The following PJA2 variants were observed in gnomAD, a reference collection of about 807,000 sequenced individuals.
PJA2 encodes praja ring finger ubiquitin ligase 2, also known as E3 ubiquitin-protein ligase Praja-2.
Under a neutral mutation model 69.3 loss-of-function variants are expected in PJA2, and 25 were observed. The observed-to-expected ratio is 0.36, with a 90% CI of 0.26 to 0.50. PJA2 has a LOEUF of 0.50. Ranked by LOEUF, PJA2 falls within the 20% of genes least tolerant of loss-of-function variation. PJA2 has a pLI of 0.96. For synonymous variants in PJA2, 308 were observed against 277.8 expected (o/e 1.11, Z -1.08); for missense variants, 809 against 830.2 (o/e 0.97, Z 0.31).
At chr5:109,341,490 C>A (rs1397822082) in intron 9 of PJA2, among the ~76,000 whole-genome samples, 1 of 141,752 alleles carries the variant, frequency 7.1e-6, no homozygotes. Flanking sequence ...CCGGCAGCCA[C>A]CCCATCTGGG....
intron 5 of PJA2, 113 bp from the exon 6 acceptor site, chr5:109,363,135 CT>C: frequency 1.2e-6 from 1 of 864,026 alleles, no homozygotes; most frequent in Non-Finnish European, 1.6e-6. Context: ...GCTCTTGGTA[CT>C]TTTATAATTC....
At chr5:109,399,025 A>G (rs559288657) in intron 1 of PJA2, among the ~76,000 whole-genome samples, 5 of 152,226 alleles carry the variant, frequency 3.3e-5, no homozygotes, top group African/African-American at 1.2e-4. Flanking sequence ...CAGCCTGGCC[A>G]ACATGGTGAA....
intron 1 of PJA2, among the ~76,000 whole-genome samples, chr5:109,389,788 C>T (rs76917403): frequency 0.03 from 4,619 of 151,888 alleles, 92 homozygotes; most frequent in Middle Eastern, 0.048. Flanking sequence ...AGTTCTGATA[C>T]GTATTATTTT....
In PJA2 at chr5:109,404,787, A is replaced by G. The variant is rs1156804432; in HGVS notation, c.-88+5055T>C. Among the ~76,000 whole-genome samples, 8 of 152,164 alleles carry G rather than the reference A, an allele frequency of 5.3e-5. No individual in the cohort carries two copies. The East Asian group carries it at 9.6e-4, about 18-fold the overall frequency. ...CCCTCACAATGGGGATTATGTTTCAATGCTATGAATTTTGGAAGGGACATA... is the reference window on the plus strand; with the variant it reads ...CCCTCACAATGGGGATTATGTTTCAGTGCTATGAATTTTGGAAGGGACATA... On this transcript the variant is annotated intron_variant, in intron 1 of 9. Transcript: ENST00000361189.
chr5:109,392,498 T>G (rs752226242), intron 1 of PJA2, among the ~76,000 whole-genome samples: 1 of 149,206 alleles, frequency 6.7e-6, no homozygotes, highest in Non-Finnish European at 1.5e-5. Context: ...GAGGTGGAGG[T>G]TGCAGTGAGC....
At chr5:109,382,093 T>G (rs1456627686) in intron 2 of PJA2, among the ~76,000 whole-genome samples, 2 of 152,116 alleles carry the variant, frequency 1.3e-5, no homozygotes, top group Non-Finnish European at 2.9e-5. Flanking sequence ...TCAATACATA[T>G]TTGATGAATC....
At chr5:109,391,486 CTTT>C (rs148079539) in intron 1 of PJA2, among the ~76,000 whole-genome samples, 1 of 149,114 alleles carries the variant, frequency 6.7e-6, no homozygotes, top group African/African-American at 2.5e-5. Flanking sequence ...CATTAGACAC[CTTT>C]TTTTTTTCTT....
rs909422890 is a variant in PJA2 at position 109,344,889 on chromosome 5, T to C, written c.1765-70A>G. The C allele has an allele frequency of 1.4e-5, 14 of 987,150 alleles. No individual in the cohort carries two copies. In the Admixed American group the frequency reaches 2.6e-4, roughly 18 times the overall value. 61.1% of individuals were successfully genotyped at this position (987,150 alleles called of 1,614,324 possible). ...CAGTAACAGAAAACTATTTTTAGGGTATCTCCAAAATTATATCACCATTAT... is the reference window on the plus strand; with the variant it reads ...CAGTAACAGAAAACTATTTTTAGGGCATCTCCAAAATTATATCACCATTAT... On this transcript the variant is annotated intron_variant, in intron 7 of 9. Coordinates refer to ENST00000361189, the MANE Select transcript of PJA2 (RefSeq NM_014819.5).
chr5:109,358,777 C>T (rs115373486), intron 6 of PJA2, among the ~76,000 whole-genome samples: 4,672 of 152,110 alleles, frequency 0.031, 91 homozygotes, highest in Middle Eastern at 0.048. Context: ...GTCAAGTTTG[C>T]GCCACTGCAC....
At chr5:109,385,097 G>T (rs959493139) in intron 1 of PJA2, among the ~76,000 whole-genome samples, 1 of 152,224 alleles carries the variant, frequency 6.6e-6, no homozygotes, top group Non-Finnish European at 1.5e-5. Context: ...TTACAGGCAT[G>T]AGCCACAGTG....
At position 109,337,093 on chromosome 5, in the gene PJA2, T is replaced by C. The variant is rs938878844; in HGVS notation, c.*138A>G. The stretch of plus-strand genomic sequence containing the variant: ...CAAACCTAAATTTAGTTTAGAAAGG[T>C]TAATATTCTTTCTAAACTATGGCAT... On this transcript the variant is annotated 3_prime_UTR_variant, in exon 10 of 10. Coordinates refer to ENST00000361189, the MANE Select transcript of PJA2 (RefSeq NM_014819.5). 4 of 797,138 alleles carry C rather than the reference T, an allele frequency of 5.0e-6. No homozygotes were observed. The African/African-American group carries it at 7.4e-5, about 15-fold the overall frequency. 49.4% of individuals were successfully genotyped at this position (797,138 alleles called of 1,614,324 possible). A position where few individuals can be genotyped will look rare whatever the true frequency, so the allele number is the denominator to read the frequency against.
chr5:109,337,833 G>A (rs775479545), intron 9 of PJA2, among the ~76,000 whole-genome samples: 1 of 152,002 alleles, frequency 6.6e-6, no homozygotes. Flanking sequence ...GAAGGTCTAC[G>A]ATGAATTAAC....
chr5:109,344,530 C>T (rs932194547), intron 8 of PJA2, among the ~76,000 whole-genome samples, 175 bp downstream of exon 8: 1 of 152,098 alleles, frequency 6.6e-6, no homozygotes, highest in Non-Finnish European at 1.5e-5. Context: ...CTCAGCCTAT[C>T]GCTTGAAAAT....
At chr5:109,370,097 G>C (rs1459702181) in intron 4 of PJA2, among the ~76,000 whole-genome samples, 1 of 150,280 alleles carries the variant, frequency 6.7e-6, no homozygotes, top group African/African-American at 2.4e-5. Context: ...AGCCAACTTG[G>C]TTACAATTAA....
Position 109,378,371 on chromosome 5 carries a change from G to T in PJA2, c.1116C>A (p.Asp372Glu). The change falls in exon 4 of 10, where the codon GAC becomes GAA. Residue 372 changes from aspartate to glutamate, a missense_variant. Physicochemically the swap from Asp to Glu is conservative, Grantham distance 45 (BLOSUM62 2). Coordinates refer to ENST00000361189, the MANE Select transcript of PJA2 (RefSeq NM_014819.5). ...IKCEEYDGEH[D>E]CMFLDPPYSR... ...AGTATGGTGGATCCAAGAACATACA[G>T]TCATGCTCTCCATCATATTCTTCAC... 2 of 1,614,142 alleles carry T rather than the reference G, an allele frequency of 1.2e-6. No individual in the cohort carries two copies. The highest frequency in any genetic ancestry group is 1.7e-6 in the Non-Finnish European group (2 of 1,180,014).
intron 1 of PJA2, among the ~76,000 whole-genome samples, chr5:109,392,417 C>A (rs111896722): frequency 6.6e-5 from 10 of 151,810 alleles, no homozygotes; most frequent in African/African-American, 2.4e-4. Context: ...AAAAATTTGC[C>A]GCGCATGGTG....
At chr5:109,386,548 G>A (rs942295498) in intron 1 of PJA2, among the ~76,000 whole-genome samples, 3 of 152,090 alleles carry the variant, frequency 2.0e-5, no homozygotes, top group South Asian at 2.1e-4. Context: ...TTTAGTCTAC[G>A]TGTTTTCAAG....
At chr5:109,388,577 C>T (rs868302884) in intron 1 of PJA2, among the ~76,000 whole-genome samples, 1 of 151,730 alleles carries the variant, frequency 6.6e-6, no homozygotes, top group African/African-American at 2.4e-5. Context: ...AGCTAAACTT[C>T]CAGAAGAAGG....
chr5:109,352,636 C>T (rs1046526945), intron 7 of PJA2, among the ~76,000 whole-genome samples: 10 of 151,976 alleles, frequency 6.6e-5, no homozygotes, highest in Non-Finnish European at 1.5e-4. Context: ...GAGAAAAACA[C>T]TCACCATAAA....
Sources: allele counts gnomAD v4.1 joint callset (sites outside exome capture counted in the v4.1 genomes callset), GRCh38; gene constraint gnomAD v4.1.1; transcripts MANE v1.5; gene names NCBI Gene and HGNC (gene_info 2026-07-23, HGNC 2026-07-21).